ANAPC10: variants seen among roughly 807,000 people sequenced by gnomAD.
ANAPC10 encodes anaphase promoting complex subunit 10, also known as anaphase-promoting complex subunit 10.
ANAPC10 carries 12 observed loss-of-function variants against 22.0 expected under a neutral mutation model. That is an observed-to-expected ratio of 0.55 (90% CI 0.35 to 0.88). The LOEUF (loss-of-function observed/expected upper bound fraction) is 0.88, where lower values mean the gene tolerates loss of function less well. ANAPC10 is among the 40% of genes least tolerant of loss of function. ANAPC10 has a pLI of 0.01. For missense variants in ANAPC10, 188 were observed against 220.9 expected, an observed-to-expected ratio of 0.85 and a Z score of 0.94; for synonymous variants, 65 against 69.5, an observed-to-expected ratio of 0.94 and a Z score of 0.32.
chr4:145,076,550 C>T (rs185191949), intron 3 of ANAPC10, among the ~76,000 whole-genome samples: 6 of 152,358 alleles, frequency 3.9e-5, no homozygotes, highest in African/African-American at 7.2e-5. Context: ...TGTCTTCTTA[C>T]ATCCAAATGA....
chr4:145,000,340 G>A (rs1179446878), intron 4 of ANAPC10, among the ~76,000 whole-genome samples: 2 of 151,752 alleles, frequency 1.3e-5, no homozygotes, highest in African/African-American at 4.8e-5. Context: ...AATCTAAAAA[G>A]AACTTAAACA....
At chr4:145,038,516 G>GA (rs1223739079) in intron 4 of ANAPC10, among the ~76,000 whole-genome samples, 2 of 150,444 alleles carry the variant, frequency 1.3e-5, no homozygotes, top group African/African-American at 4.9e-5. Flanking sequence ...CCGTCTCAAA[G>GA]AAAAAAAAGA....
At chr4:145,011,310 C>G (rs1308519886) in intron 4 of ANAPC10, among the ~76,000 whole-genome samples, 1 of 126,040 alleles carries the variant, frequency 7.9e-6, no homozygotes, top group Non-Finnish European at 1.8e-5. Context: ...GTACTCTGGC[C>G]TGGATGACAG....
intron 3 of ANAPC10, among the ~76,000 whole-genome samples, chr4:145,078,826 G>A (rs181359356): frequency 2.8e-4 from 42 of 152,240 alleles, no homozygotes; most frequent in Admixed American, 7.9e-4. Flanking sequence ...CTAGCCATAC[G>A]CAGAAGATTG....
intron 3 of ANAPC10, among the ~76,000 whole-genome samples, chr4:145,070,878 A>C (rs1048000423): frequency 2.0e-5 from 3 of 152,240 alleles, no homozygotes; most frequent in African/African-American, 7.2e-5. Flanking sequence ...GCTAAGTGAG[A>C]AAAGTTAGAC....
intron 1 of ANAPC10, among the ~76,000 whole-genome samples, chr4:145,096,599 G>A (rs1396514778): frequency 1.3e-5 from 2 of 152,100 alleles, no homozygotes; most frequent in Non-Finnish European, 2.9e-5. Context: ...CTTCTACAAT[G>A]CTATGCAGTT....
intron 4 of ANAPC10, chr4:145,053,641 C>CT (rs1231304519): frequency 2.2e-6 from 1 of 462,876 alleles, no homozygotes; most frequent in African/African-American, 2.0e-5. Flanking sequence ...GAAGAATTCT[C>CT]TTAATTCCTT....
chr4:145,058,325 CCTGA>C (rs1433752664), intron 4 of ANAPC10, among the ~76,000 whole-genome samples: 1 of 152,114 alleles, frequency 6.6e-6, no homozygotes, highest in Admixed American at 6.5e-5. Context: ...TGATTTTGCA[CCTGA>C]ATAGGCTTTG....
At chr4:145,064,784 C>A in intron 3 of ANAPC10, 92 bp from the exon 4 acceptor site, 3 of 1,098,286 alleles carry the variant, frequency 2.7e-6, no homozygotes, top group Middle Eastern at 2.8e-4. Context: ...TCATAGTTTG[C>A]TAAAAGGAGT....
chr4:145,049,829 T>C (rs914632476), intron 4 of ANAPC10, among the ~76,000 whole-genome samples: 7 of 152,080 alleles, frequency 4.6e-5, no homozygotes, highest in Non-Finnish European at 8.8e-5. Context: ...AAGAGATTCT[T>C]CCACCTCAGG....
At chr4:145,001,699 A>C (rs971100779) in intron 4 of ANAPC10, among the ~76,000 whole-genome samples, 1 of 152,152 alleles carries the variant, frequency 6.6e-6, no homozygotes, top group Non-Finnish European at 1.5e-5. Flanking sequence ...CGTTGATATC[A>C]GCTGCTATGG....
intron 2 of ANAPC10, among the ~76,000 whole-genome samples, chr4:145,092,893 AG>A (rs1747901219): frequency 6.6e-6 from 1 of 152,228 alleles, no homozygotes; most frequent in Non-Finnish European, 1.5e-5. Context: ...TCTATACCTG[AG>A]AGAGGGGCAA....
intron 4 of ANAPC10, among the ~76,000 whole-genome samples, chr4:145,042,783 T>A (rs1311588801): frequency 6.6e-6 from 1 of 152,012 alleles, no homozygotes; most frequent in East Asian, 1.9e-4. Context: ...ACAAGCATAC[T>A]GCAGACAACC....
In ANAPC10 at chr4:145,064,664, T is replaced by C. The variant is rs1743410874; in HGVS notation, c.235A>G (p.Ile79Val). Residue 79 changes from isoleucine to valine, a missense_variant, in exon 4 of 5, where the codon ATT (isoleucine) becomes GTT (valine). Transcript: ENST00000507656. Reference sequence around the variant, plus strand: ...TCATCAGATTTGTAGTCTGCATAAATACATAATGTCTTCACTGTTGTTTTT... The same window carrying C: ...TCATCAGATTTGTAGTCTGCATAAACACATAATGTCTTCACTGTTGTTTTT... ...RRKTTVKTLCIYADYKSDESY... is the reference protein window; with the variant it reads ...RRKTTVKTLCVYADYKSDESY... The C allele has an allele frequency of 2.5e-6, 4 of 1,577,404 alleles. No homozygotes were observed. In the South Asian group the frequency reaches 4.8e-5, roughly 19 times the overall value.
intron 4 of ANAPC10, among the ~76,000 whole-genome samples, chr4:145,048,884 T>C (rs976089030): frequency 6.6e-6 from 1 of 152,168 alleles, no homozygotes; most frequent in Non-Finnish European, 1.5e-5. Flanking sequence ...AATAGGAAAA[T>C]ACAACTTTGA....
At chr4:145,075,959 G>A (rs1490653502) in intron 3 of ANAPC10, among the ~76,000 whole-genome samples, 1 of 152,134 alleles carries the variant, frequency 6.6e-6, no homozygotes, top group Non-Finnish European at 1.5e-5. Flanking sequence ...ATGGGATGGG[G>A]GCCAGTCTGA....
At chr4:145,013,468 A>T (rs72952174) in intron 4 of ANAPC10, among the ~76,000 whole-genome samples, 1 of 152,262 alleles carries the variant, frequency 6.6e-6, no homozygotes, top group African/African-American at 2.4e-5. Flanking sequence ...ATGTGACAAA[A>T]TTCAATACTC....
At chr4:145,053,806 T>TA (rs758701683) in intron 4 of ANAPC10, 2 of 637,258 alleles carry the variant, frequency 3.1e-6, no homozygotes, top group East Asian at 5.6e-5. Flanking sequence ...GGTTCCTGAC[T>TA]AGGCTCACCT....
intron 4 of ANAPC10, among the ~76,000 whole-genome samples, chr4:145,063,097 A>G (rs1023430178): frequency 1.3e-5 from 2 of 152,198 alleles, no homozygotes; most frequent in Admixed American, 6.5e-5. Flanking sequence ...CCAGTATATA[A>G]CAGTGACTAC....
Sources: gnomAD v4.1 joint callset for allele counts (sites outside exome capture counted in the v4.1 genomes callset) on GRCh38, gnomAD v4.1.1 for gene constraint, MANE v1.5 for transcripts, NCBI Gene and HGNC (gene_info 2026-07-23, HGNC 2026-07-21) for gene names.